Variants in MGST1 observed in about 807,000 individuals in gnomAD.
MGST1 encodes the protein microsomal glutathione S-transferase 1.
Under a neutral mutation model 8.9 loss-of-function variants are expected in MGST1, and 5 were observed. That is an observed-to-expected ratio of 0.56 (90% confidence interval 0.29 to 1.19). The LOEUF (loss-of-function observed/expected upper bound fraction) is 1.19. MGST1 is among the 50% of genes most tolerant of loss of function. MGST1 has a pLI of 0.08. For synonymous variants in MGST1, 54 were observed against 67.8 expected, an observed-to-expected ratio of 0.80 and a Z score of 1.00; for missense variants, 182 against 187.4, an observed-to-expected ratio of 0.97 and a Z score of 0.17.
intron 4 of MGST1, among the ~76,000 whole-genome samples, chr12:16,490,820 G>A (rs1311114738): frequency 2.6e-5 from 4 of 151,790 alleles, no homozygotes; most frequent in Non-Finnish European, 5.9e-5. Flanking sequence ...ATCCATCCCG[G>A]GACACATGAG....
In MGST1 at chr12:16,361,473, T is replaced by C. The variant is rs1416920449; in HGVS notation, c.222-2322T>C. Among the ~76,000 whole-genome samples the C allele has an allele frequency of 9.2e-5, 14 of 152,106 alleles. No individual in the cohort carries two copies. The highest frequency in any genetic ancestry group is 1.0e-4 in the Non-Finnish European group (7 of 68,014). On this transcript the variant is annotated intron_variant, in intron 3 of 3. Transcript: ENST00000396210. The surrounding 1 kb of genome is among the most constrained non-coding windows in gnomAD (Gnocchi z 4.2). Reference sequence around the variant, plus strand: ...ATGTAATCATGGGGAAGAAGGGTAATAGACCCAGGTAGAAAGTGGACTCTT... The same window carrying C: ...ATGTAATCATGGGGAAGAAGGGTAACAGACCCAGGTAGAAAGTGGACTCTT...
chr12:16,571,492 C>A lies in MGST1; in HGVS notation n.483-18036C>A, dbSNP rs140652950. On this transcript the variant is annotated intron_variant and non_coding_transcript_variant, in intron 4 of 4. Transcript: ENST00000538857. ...TTGAAAAAATATATAGATTGAATATCTCTAAAAGCAAGGGTATTCATATGT... is the reference window on the plus strand; with the variant it reads ...TTGAAAAAATATATAGATTGAATATATCTAAAAGCAAGGGTATTCATATGT... 6.9e-3 allele frequency among the ~76,000 whole-genome samples: 1,043 copies of A among 152,098 alleles called. 6 individuals carry two copies. The highest frequency in any genetic ancestry group is 0.011 in the South Asian group (53 of 4,828).
chr12:16,438,493 T>A (rs1337405831), exon 2 of MGST1: 2 of 151,898 alleles, frequency 1.3e-5, no homozygotes, highest in African/African-American at 4.8e-5. Flanking sequence ...GGTTAACATA[T>A]GAATAGAGAT....
In MGST1 at chr12:16,587,832, C is replaced by A. The variant is rs972047877; in HGVS notation, n.483-1696C>A. ...GGGGTTTCAGGGGGAGGGAGAGGAA[C>A]CTTGTCTCATATTAATGCTGCCAGT... On this transcript the variant is annotated intron_variant and non_coding_transcript_variant, in intron 4 of 4. Coordinates refer to the MGST1 transcript ENST00000538857. This position sits in a 1 kb window ranked among gnomAD's most constrained non-coding sequence, Gnocchi z 4.3. Among the ~76,000 whole-genome samples, 13 of 151,942 alleles carry A rather than the reference C, an allele frequency of 8.6e-5. No individual in the cohort carries two copies. The highest frequency in any genetic ancestry group is 2.1e-4 in the South Asian group (1 of 4,814).
chr12:16,500,669 T>C lies in MGST1; in HGVS notation n.483-88859T>C, dbSNP rs1334746022. Among the ~76,000 whole-genome samples the C allele has an allele frequency of 6.6e-6, 1 of 152,174 alleles. No individual in the cohort carries two copies. The highest frequency in any genetic ancestry group is 1.5e-5 in the Non-Finnish European group (1 of 68,026). On this transcript the variant is annotated intron_variant and non_coding_transcript_variant, in intron 4 of 4. Transcript: ENST00000538857. The surrounding 1 kb of genome is among the most constrained non-coding windows in gnomAD (Gnocchi z 4.3). ...CTTAGAAGGCCTTTGCCCAGGATGA[T>C]GTTTACACATAGCAGGTGCTCAATA...
At chr12:16,395,802 T>TAC (rs1253639277) in intron 1 of MGST1, among the ~76,000 whole-genome samples, 13 of 135,706 alleles carry the variant, frequency 9.6e-5, no homozygotes, top group African/African-American at 3.2e-4. Flanking sequence ...TATATATATA[T>TAC]ATACACACAC....
At chr12:16,579,264 C>T (rs1168820495) in intron 4 of MGST1, among the ~76,000 whole-genome samples, 1 of 152,054 alleles carries the variant, frequency 6.6e-6, no homozygotes, top group Non-Finnish European at 1.5e-5. Flanking sequence ...AATTAGGAAA[C>T]CAAGAACAAG....
At chr12:16,581,485 G>A (rs927893635) in intron 4 of MGST1, among the ~76,000 whole-genome samples, 1 of 152,030 alleles carries the variant, frequency 6.6e-6, no homozygotes, top group Non-Finnish European at 1.5e-5. Flanking sequence ...ATACATAAAG[G>A]CAAATATTTC....
Position 16,401,699 on chromosome 12 carries a change from C to A in MGST1, n.778+18095C>A. 17 of 1,603,682 alleles carry A rather than the reference C, an allele frequency of 1.1e-5. No individual in the cohort carries two copies. The highest frequency in any genetic ancestry group is 1.5e-5 in the Non-Finnish European group (17 of 1,170,560). ...CACTCTGAATGATAGGAGGGTAACA[C>A]ATTTCCACAGTAGAAGGGTCTGCCC... On this transcript the variant is annotated intron_variant and non_coding_transcript_variant, in intron 1 of 1. Coordinates refer to the MGST1 transcript ENST00000359720. The surrounding 1 kb of genome is among the most constrained non-coding windows in gnomAD (Gnocchi z 4.3).
In MGST1 at chr12:16,585,145, C is replaced by G. The variant is rs1455939066; in HGVS notation, n.483-4383C>G. ...TCATGGCTTCCCCCTTTGGGTGGCG[C>G]ATGCAAGCCCCAGTTCACAACGTTA... On this transcript the variant is annotated intron_variant and non_coding_transcript_variant, in intron 4 of 4. Coordinates refer to the MGST1 transcript ENST00000538857. The surrounding 1 kb of genome is among the most constrained non-coding windows in gnomAD (Gnocchi z 4.7). Among the ~76,000 whole-genome samples the G allele has an allele frequency of 6.6e-6, 1 of 152,176 alleles. No individual in the cohort carries two copies. The highest frequency in any genetic ancestry group is 1.5e-5 in the Non-Finnish European group (1 of 68,042).
intron 4 of MGST1, among the ~76,000 whole-genome samples, chr12:16,578,170 A>G (rs1044705656): frequency 6.6e-6 from 1 of 152,204 alleles, no homozygotes; most frequent in Non-Finnish European, 1.5e-5. Flanking sequence ...GTTTCATGAA[A>G]CTTAGAAAAT....
chr12:16,530,992 C>T (rs948259949), intron 4 of MGST1, among the ~76,000 whole-genome samples: 24 of 151,750 alleles, frequency 1.6e-4, no homozygotes, highest in African/African-American at 4.1e-4. Context: ...TGTCAGGAAA[C>T]GGCACATTCA....
chr12:16,582,769 C>T lies in MGST1; in HGVS notation n.483-6759C>T, dbSNP rs140958931. On this transcript the variant is annotated intron_variant and non_coding_transcript_variant, in intron 4 of 4. Transcript: ENST00000538857. The surrounding 1 kb of genome is among the most constrained non-coding windows in gnomAD (Gnocchi z 4.1). Reference sequence around the variant, plus strand: ...GCCCAGAAAAGAATCAGAACTAGGCCGGGCACGGTGGCCCATGCCTGTAAT... The same window carrying T: ...GCCCAGAAAAGAATCAGAACTAGGCTGGGCACGGTGGCCCATGCCTGTAAT... Among the ~76,000 whole-genome samples, 9 of 152,244 alleles carry T rather than the reference C, an allele frequency of 5.9e-5. No homozygotes were observed. Among genetic ancestry groups the T allele is most frequent in the South Asian group, 2.1e-4 (1 of 4,826 alleles).
intron 1 of MGST1, among the ~76,000 whole-genome samples, chr12:16,391,913 T>C (rs1353730024): frequency 6.6e-6 from 1 of 152,244 alleles, no homozygotes; most frequent in Non-Finnish European, 1.5e-5. Flanking sequence ...CTTGAGTTGA[T>C]TTTTGTATGT....
intron 4 of MGST1, among the ~76,000 whole-genome samples, chr12:16,495,635 A>T (rs1363654435): frequency 1.3e-5 from 2 of 151,968 alleles, no homozygotes; most frequent in Non-Finnish European, 2.9e-5. Context: ...ACCATTTTTC[A>T]GTCAAGGATC....
chr12:16,518,274 C>G (rs1038755035), intron 4 of MGST1, among the ~76,000 whole-genome samples: 8 of 152,132 alleles, frequency 5.3e-5, no homozygotes. Context: ...TGCCTTGGAG[C>G]CTCTCCACTC....
chr12:16,452,185 C>T (rs536076735), intron 4 of MGST1, among the ~76,000 whole-genome samples: 6 of 151,926 alleles, frequency 3.9e-5, no homozygotes, highest in East Asian at 1.9e-4. Context: ...AAAGTCTTTA[C>T]TTTGTCTTTC....
intron 4 of MGST1, among the ~76,000 whole-genome samples, chr12:16,531,315 AT>A (rs1330105544): frequency 6.6e-6 from 1 of 152,056 alleles, no homozygotes; most frequent in Admixed American, 6.6e-5. Context: ...GATTATTTTT[AT>A]TTGACAAACT....
intron 4 of MGST1, among the ~76,000 whole-genome samples, chr12:16,453,983 C>G (rs1299911389): frequency 6.6e-6 from 1 of 151,870 alleles, no homozygotes. Flanking sequence ...CAAAATTCAA[C>G]ACAAGACATA....
Sources: gnomAD v4.1 joint callset for allele counts (sites outside exome capture counted in the v4.1 genomes callset) on GRCh38, gnomAD v4.1.1 for gene constraint, Gnocchi (gnomAD v3.1) non-coding constraint, MANE v1.5 for transcripts, NCBI Gene and HGNC (gene_info 2026-07-23, HGNC 2026-07-21) for gene names.